Variants in SPACA7 observed in about 807,000 individuals in gnomAD.
The protein encoded by SPACA7 is sperm acrosome associated 7, also known as sperm acrosome-associated protein 7.
A neutral mutation model predicts 26.3 loss-of-function variants in SPACA7; 19 were observed. The ratio of observed to expected loss-of-function variants is 0.72; its 90% CI spans 0.50 to 1.06. The LOEUF (loss-of-function observed/expected upper bound fraction) is 1.06. Among genes scored for constraint, SPACA7 ranks in the 50% least tolerant of loss-of-function variants. SPACA7 has a pLI of 0.00. For synonymous variants in SPACA7, 84 were observed against 84.5 expected, an observed-to-expected ratio of 0.99 and a Z score of 0.04; for missense variants, 211 against 229.9, an observed-to-expected ratio of 0.92 and a Z score of 0.53.
chr13:112,414,257 T>C (rs905745297), intron 5 of SPACA7, among the ~76,000 whole-genome samples: 3 of 140,534 alleles, frequency 2.1e-5, no homozygotes, highest in Admixed American at 2.1e-4. Flanking sequence ...ATTCTGCTGT[T>C]GAGACACTCT....
intron 5 of SPACA7, among the ~76,000 whole-genome samples, chr13:112,419,276 G>T (rs1886875201): frequency 6.6e-6 from 1 of 152,180 alleles, no homozygotes; most frequent in Admixed American, 6.6e-5. Context: ...TTTTTTAATA[G>T]CCAAGTGTGG....
At chr13:112,409,261 C>T (rs2138995286) in intron 5 of SPACA7, among the ~76,000 whole-genome samples, 1 of 152,108 alleles carries the variant, frequency 6.6e-6, no homozygotes, top group Non-Finnish European at 1.5e-5. Context: ...TCATAAAAAC[C>T]CTAGAAGAAA....
At chr13:112,406,131 T>C (rs1299104394) in intron 5 of SPACA7, among the ~76,000 whole-genome samples, 2 of 152,230 alleles carry the variant, frequency 1.3e-5, no homozygotes, top group Non-Finnish European at 2.9e-5. Flanking sequence ...CATTTTTAAC[T>C]GTACAGTTCC....
rs368795790 is a variant in SPACA7, at chr13:112,376,521, C to T, written c.94+42C>T. The stretch of plus-strand genomic sequence containing the variant: ...ATGTCTCAGCAGAAAGAGAACTGAA[C>T]CAGGTGGGGAGCGGCGGCCTCTTCT... On this transcript the variant is annotated intron_variant, in intron 1 of 6. Transcript: ENST00000283550. 13 of 1,592,386 alleles carry T rather than the reference C, an allele frequency of 8.2e-6. No individual in the cohort carries two copies. In the African/African-American group the frequency reaches 1.6e-4, roughly 20 times the overall value.
At chr13:112,407,193 G>A (rs1886040962) in intron 5 of SPACA7, among the ~76,000 whole-genome samples, 1 of 152,150 alleles carries the variant, frequency 6.6e-6, no homozygotes, top group South Asian at 2.1e-4. Context: ...CAACATACCA[G>A]AATTTCTGGG....
At position 112,377,718 on chromosome 13, in the gene SPACA7, G is replaced by A. The variant is rs142838348; in HGVS notation, c.94+1239G>A. Reference sequence around the variant, plus strand: ...CTCAGAGGAGCCTGGCATGAGGTAAGTCAAGGAGCGAGGCTTTCTCATTCC... The same window carrying A: ...CTCAGAGGAGCCTGGCATGAGGTAAATCAAGGAGCGAGGCTTTCTCATTCC... On this transcript the variant is annotated intron_variant, in intron 1 of 6. Coordinates refer to ENST00000283550, the MANE Select transcript of SPACA7 (RefSeq NM_145248.5). Among the ~76,000 whole-genome samples the A allele has an allele frequency of 2.0e-5, 3 of 152,328 alleles. 1 individual carries two copies. In the East Asian group the frequency reaches 5.8e-4, roughly 29 times the overall value.
At chr13:112,430,040 G>A (rs1341259051) in intron 5 of SPACA7, among the ~76,000 whole-genome samples, 1 of 152,098 alleles carries the variant, frequency 6.6e-6, no homozygotes, top group Non-Finnish European at 1.5e-5. Flanking sequence ...CTTATTTCTG[G>A]CCTGTGTGAG....
intron 1 of SPACA7, among the ~76,000 whole-genome samples, chr13:112,383,116 AAAAGAAAAGAAAG>A (rs199736677): frequency 0.017 from 565 of 33,518 alleles, 2 homozygotes; most frequent in East Asian, 0.04. Context: ...AAAAGAAAAG[AAAAGAAAAGAAAG>A]AAAGAAAGAA....
chr13:112,376,753 A>C (rs1476673384), intron 1 of SPACA7, among the ~76,000 whole-genome samples: 3 of 152,052 alleles, frequency 2.0e-5, no homozygotes, highest in African/African-American at 7.2e-5. Context: ...ATTCACCCTC[A>C]GGTTCAATTA....
chr13:112,415,122 C>G (rs1886606089), intron 5 of SPACA7, among the ~76,000 whole-genome samples: 1 of 152,214 alleles, frequency 6.6e-6, no homozygotes, highest in Admixed American at 6.5e-5. Flanking sequence ...CAGGGAGAAT[C>G]CTCTGGGCTC....
chr13:112,411,840 T>C (rs1422711072), intron 5 of SPACA7, among the ~76,000 whole-genome samples: 2 of 152,198 alleles, frequency 1.3e-5, no homozygotes, highest in East Asian at 1.9e-4. Context: ...TATTCGTTTA[T>C]CCACTGATGG....
chr13:112,378,384 G>T (rs1455590926), intron 1 of SPACA7, among the ~76,000 whole-genome samples: 1 of 151,916 alleles, frequency 6.6e-6, no homozygotes, highest in Non-Finnish European at 1.5e-5. Flanking sequence ...CTCTTTTTTT[G>T]ATCAAGATAA....
chr13:112,418,739 A>G (rs1886842493), intron 5 of SPACA7, among the ~76,000 whole-genome samples: 1 of 152,256 alleles, frequency 6.6e-6, no homozygotes, highest in Non-Finnish European at 1.5e-5. Context: ...CATGGATAAT[A>G]AGCAGCAGGC....
intron 1 of SPACA7, among the ~76,000 whole-genome samples, chr13:112,383,219 G>GAGGA (rs1884320765): frequency 6.9e-6 from 1 of 145,900 alleles, no homozygotes; most frequent in Non-Finnish European, 1.5e-5. Flanking sequence ...AGGAAAGAAG[G>GAGGA]AAGAAAGAAA....
chr13:112,404,961 C>T (rs1885879648), intron 5 of SPACA7, among the ~76,000 whole-genome samples: 1 of 145,748 alleles, frequency 6.9e-6, no homozygotes, highest in South Asian at 2.2e-4. Flanking sequence ...TACTAATTAG[C>T]TCCATTGTAT....
intron 5 of SPACA7, among the ~76,000 whole-genome samples, chr13:112,410,540 C>T (rs917879562): frequency 6.6e-6 from 1 of 151,926 alleles, no homozygotes; most frequent in Admixed American, 6.6e-5. Context: ...AGTGATGACC[C>T]TTGCAGATAT....
At chr13:112,413,682 A>G (rs866198492) in intron 5 of SPACA7, among the ~76,000 whole-genome samples, 2 of 152,078 alleles carry the variant, frequency 1.3e-5, no homozygotes, top group African/African-American at 4.8e-5. Context: ...TTCTACTCCT[A>G]TATTTTTCTC....
At chr13:112,381,165 C>T (rs575442210) in intron 1 of SPACA7, among the ~76,000 whole-genome samples, 1 of 152,164 alleles carries the variant, frequency 6.6e-6, no homozygotes, top group Admixed American at 6.5e-5. Context: ...GGTGATGAGT[C>T]ACCAAAAAGA....
chr13:112,434,688 G>A lies in SPACA7; in HGVS notation c.*139G>A. The A allele has an allele frequency of 7.6e-6, 5 of 660,092 alleles. No individual in the cohort carries two copies. Among genetic ancestry groups the A allele is most frequent in the South Asian group, 2.1e-5 (1 of 48,374 alleles). The allele number at this position is 660,092 out of a possible 1,614,324, so 40.9% of individuals were successfully genotyped here. ...ATAAAGGAAAATCGTTTATTCACAC[G>A]ATCCCAATTGGAGTTGGTTTATTTA... is the stretch of plus-strand genomic sequence containing the variant. On this transcript the variant is annotated 3_prime_UTR_variant, in exon 7 of 7. Coordinates refer to ENST00000283550, the MANE Select transcript of SPACA7 (RefSeq NM_145248.5).
Sources: gnomAD v4.1 joint callset for allele counts (sites outside exome capture counted in the v4.1 genomes callset) on GRCh38, gnomAD v4.1.1 for gene constraint, MANE v1.5 for transcripts, NCBI Gene and HGNC (gene_info 2026-07-23, HGNC 2026-07-21) for gene names.